The following PIP4K2A variants were observed in gnomAD, a reference collection of about 807,000 sequenced individuals.
PIP4K2A encodes phosphatidylinositol 5-phosphate 4-kinase type-2 alpha.
In PIP4K2A, 14 loss-of-function variants were observed where a neutral mutation model predicts 42.9. The ratio of observed to expected loss-of-function variants is 0.33; its 90% CI spans 0.22 to 0.51. The LOEUF is 0.51. PIP4K2A is among the 20% of genes least tolerant of loss of function. PIP4K2A has a pLI of 0.97. For synonymous variants in PIP4K2A, 192 were observed against 192.2 expected, an observed-to-expected ratio of 1.00 and a Z score of 0.01; for missense variants, 434 against 519.8, an observed-to-expected ratio of 0.83 and a Z score of 1.61.
intron 1 of PIP4K2A, among the ~76,000 whole-genome samples, chr10:22,618,286 C>T (rs909162354): frequency 2.0e-5 from 3 of 152,236 alleles, no homozygotes; most frequent in African/African-American, 7.2e-5. Context: ...TCCTTTGTGA[C>T]TCTGTGGCTG....
chr10:22,638,446 C>G (rs1838711955), intron 1 of PIP4K2A, among the ~76,000 whole-genome samples: 1 of 152,068 alleles, frequency 6.6e-6, no homozygotes, highest in Non-Finnish European at 1.5e-5. Context: ...AATTAGTCTT[C>G]CTGACTTAAA....
At chr10:22,683,076 AC>A (rs1564466317) in intron 1 of PIP4K2A, among the ~76,000 whole-genome samples, 15 of 145,558 alleles carry the variant, frequency 1.0e-4, no homozygotes, top group African/African-American at 4.0e-4. Context: ...AACAACAACA[AC>A]AACAACAACA....
At chr10:22,617,208 C>A (rs1382449972) in intron 1 of PIP4K2A, among the ~76,000 whole-genome samples, 1 of 152,194 alleles carries the variant, frequency 6.6e-6, no homozygotes, top group African/African-American at 2.4e-5. Flanking sequence ...ATCACTCCTG[C>A]AGATGTAAGA....
At chr10:22,711,981 T>C (rs950820230) in intron 1 of PIP4K2A, among the ~76,000 whole-genome samples, 3 of 152,234 alleles carry the variant, frequency 2.0e-5, no homozygotes, top group African/African-American at 7.2e-5. Context: ...GACAGTTGGA[T>C]AAAAATATTA....
At chr10:22,632,884 A>G (rs1054656015) in intron 1 of PIP4K2A, among the ~76,000 whole-genome samples, 10 of 152,316 alleles carry the variant, frequency 6.6e-5, no homozygotes, top group African/African-American at 2.2e-4. Flanking sequence ...GTTGAGTTTC[A>G]TATTTTGTTT....
At chr10:22,646,986 GACTAGGCTGTCA>G (rs1420949839) in intron 1 of PIP4K2A, among the ~76,000 whole-genome samples, 1 of 152,034 alleles carries the variant, frequency 6.6e-6, no homozygotes, top group African/African-American at 2.4e-5. Context: ...GATGCAAGCT[GACTAGGCTGTCA>G]ACCTGGCTGA....
chr10:22,708,444 C>A (rs138427491), intron 1 of PIP4K2A, among the ~76,000 whole-genome samples: 2 of 152,300 alleles, frequency 1.3e-5, no homozygotes, highest in African/African-American at 4.8e-5. Context: ...CTCCCGAGCT[C>A]CAATCACACC....
chr10:22,617,325 G>A (rs370300402), intron 1 of PIP4K2A, among the ~76,000 whole-genome samples: 2 of 152,220 alleles, frequency 1.3e-5, no homozygotes, highest in East Asian at 1.9e-4. Context: ...AGCTGGTAAC[G>A]GTTCTGAAAT....
At chr10:22,597,672 A>C (rs1446220380) in intron 3 of PIP4K2A, among the ~76,000 whole-genome samples, 2 of 152,164 alleles carry the variant, frequency 1.3e-5, no homozygotes, top group African/African-American at 4.8e-5. Flanking sequence ...GAGAAGGGAA[A>C]AAAAGAAATT....
At chr10:22,576,339 A>G (rs749682006) in intron 4 of PIP4K2A, among the ~76,000 whole-genome samples, 16 of 152,186 alleles carry the variant, frequency 1.1e-4, no homozygotes, top group Non-Finnish European at 1.6e-4. Context: ...TGTTGACACA[A>G]AGAGACCTGA....
chr10:22,616,984 TCA>T (rs1437263783), intron 1 of PIP4K2A, among the ~76,000 whole-genome samples: 1 of 152,252 alleles, frequency 6.6e-6, no homozygotes, highest in Non-Finnish European at 1.5e-5. Flanking sequence ...GCCAATTGTC[TCA>T]GTTTCCTTCA....
At chr10:22,655,909 C>T (rs999339136) in intron 1 of PIP4K2A, among the ~76,000 whole-genome samples, 4 of 152,036 alleles carry the variant, frequency 2.6e-5, no homozygotes, top group Admixed American at 1.3e-4. Context: ...AGTGTTGCAT[C>T]GTTCCACTGG....
At chr10:22,580,337 G>C (rs1251705584) in intron 4 of PIP4K2A, among the ~76,000 whole-genome samples, 1 of 151,936 alleles carries the variant, frequency 6.6e-6, no homozygotes, top group African/African-American at 2.4e-5. Context: ...AAAATAACTT[G>C]TAAGCGAATG....
chr10:22,649,331 T>C (rs921159190), intron 1 of PIP4K2A, among the ~76,000 whole-genome samples: 53 of 152,220 alleles, frequency 3.5e-4, no homozygotes, highest in African/African-American at 1.2e-3. Context: ...AGTTTCTTTA[T>C]TGTTTTAAGT....
At chr10:22,655,987 G>T (rs1204106672) in intron 1 of PIP4K2A, among the ~76,000 whole-genome samples, 3 of 152,120 alleles carry the variant, frequency 2.0e-5, no homozygotes, top group South Asian at 2.1e-4. Flanking sequence ...CATCTTGGGG[G>T]AATCAAACCA....
At chr10:22,546,186 C>T (rs189506053) in intron 7 of PIP4K2A, among the ~76,000 whole-genome samples, 31 of 152,284 alleles carry the variant, frequency 2.0e-4, no homozygotes, top group African/African-American at 6.7e-4. Context: ...GACAATGCCA[C>T]TCACCTCACA....
chr10:22,687,080 T>C (rs1455756066), intron 1 of PIP4K2A, among the ~76,000 whole-genome samples: 2 of 151,232 alleles, frequency 1.3e-5, no homozygotes, highest in Admixed American at 1.3e-4. Context: ...GATATGCTCA[T>C]GATGCGGCAT....
chr10:22,612,307 G>A (rs913781710), intron 1 of PIP4K2A, among the ~76,000 whole-genome samples: 2 of 152,208 alleles, frequency 1.3e-5, no homozygotes, highest in African/African-American at 4.8e-5. Flanking sequence ...AGAGTCAGGA[G>A]GGAGAAGCAC....
intron 6 of PIP4K2A, among the ~76,000 whole-genome samples, chr10:22,552,437 G>T (rs1836434913): frequency 1.3e-5 from 2 of 152,086 alleles, no homozygotes; most frequent in African/African-American, 4.8e-5. Flanking sequence ...CCCTAAATCT[G>T]TCATTAATAA....
Sources: gnomAD v4.1 joint callset for allele counts (sites outside exome capture counted in the v4.1 genomes callset) on GRCh38, gnomAD v4.1.1 for gene constraint, MANE v1.5 for transcripts, NCBI Gene and HGNC (gene_info 2026-07-23, HGNC 2026-07-21) for gene names.